The following CCDC138 variants were observed in gnomAD, a reference collection of about 807,000 sequenced individuals.
The protein encoded by CCDC138 is coiled-coil domain containing 138.
A neutral mutation model predicts 82.3 loss-of-function variants in CCDC138; 66 were observed. That is an observed-to-expected ratio of 0.80 (90% CI 0.66 to 0.98). The LOEUF (loss-of-function observed/expected upper bound fraction) is 0.98. Ranked by LOEUF, CCDC138 falls within the 50% of genes least tolerant of loss-of-function variation. CCDC138 has a pLI of 0.00. For synonymous variants in CCDC138, 297 were observed against 265.4 expected (o/e 1.12, Z -1.16); for missense variants, 816 against 758.9 (o/e 1.08, Z -0.88).
chr2:108,824,156 A>G (rs1033162353), intron 10 of CCDC138, among the ~76,000 whole-genome samples: 2 of 61,564 alleles, frequency 3.2e-5, no homozygotes, highest in African/African-American at 9.2e-5. Flanking sequence ...ACTACACTAA[A>G]TTTAGAAAAA....
Position 108,855,800 on chromosome 2 carries a change from C to T in CCDC138, c.1517-994C>T, listed in dbSNP as rs923454283. Among the ~76,000 whole-genome samples, 85 of 152,022 alleles carry T rather than the reference C, an allele frequency of 5.6e-4. 8 individuals are homozygous for T. Among genetic ancestry groups the T allele is most frequent in the African/African-American group, 2.4e-5 (1 of 41,384 alleles). ...TTACTTATTATGTAAGCTGAAACAG[C>T]AAAGAAGAAATGCAACATGAAGCTA... On this transcript the variant is annotated intron_variant, in intron 12 of 14. Transcript: ENST00000295124.
At chr2:108,880,457 G>A (rs143785843), downstream of CCDC138, among the ~76,000 whole-genome samples, 50 of 152,274 alleles carry the variant, frequency 3.3e-4, no homozygotes, top group African/African-American at 1.2e-3. Context: ...GCATCCAGAA[G>A]GCTAAACTTC....
intron 13 of CCDC138, among the ~76,000 whole-genome samples, chr2:108,862,196 A>G (rs1235132931): frequency 6.9e-6 from 1 of 145,720 alleles, no homozygotes; most frequent in Non-Finnish European, 1.5e-5. Flanking sequence ...CATGCCACTT[A>G]AAAAAAAAAC....
intron 10 of CCDC138, among the ~76,000 whole-genome samples, chr2:108,820,947 C>G (rs1685594230): frequency 6.6e-6 from 1 of 152,010 alleles, no homozygotes; most frequent in Admixed American, 6.6e-5. Flanking sequence ...TAGTAAGTAG[C>G]CTATATTATT....
At chr2:108,790,677 G>C (rs1272155971) in intron 3 of CCDC138, among the ~76,000 whole-genome samples, 1 of 152,156 alleles carries the variant, frequency 6.6e-6, no homozygotes, top group Non-Finnish European at 1.5e-5. Context: ...CTGCAACCTG[G>C]GTGACAGAGT....
chr2:108,794,278 A>G (rs1388826966), intron 4 of CCDC138, among the ~76,000 whole-genome samples: 1 of 152,128 alleles, frequency 6.6e-6, no homozygotes, highest in Non-Finnish European at 1.5e-5. Flanking sequence ...GTGTCTTTTT[A>G]TATCCTTTAA....
At chr2:108,788,346 G>C (rs1296310445) in intron 2 of CCDC138, among the ~76,000 whole-genome samples, 1 of 151,842 alleles carries the variant, frequency 6.6e-6, no homozygotes, top group Non-Finnish European at 1.5e-5. Flanking sequence ...GTTGAACCCG[G>C]GAGGCAGAGG....
chr2:108,788,342 C>A (rs1054549414), intron 2 of CCDC138, among the ~76,000 whole-genome samples: 1 of 151,862 alleles, frequency 6.6e-6, no homozygotes, highest in East Asian at 1.9e-4. Context: ...ATCGGTTGAA[C>A]CCGGGAGGCA....
At chr2:108,832,402 C>CA (rs1430970341) in intron 10 of CCDC138, among the ~76,000 whole-genome samples, 10 of 143,678 alleles carry the variant, frequency 7.0e-5, no homozygotes, top group African/African-American at 2.6e-4. Context: ...GGCTGGAGTG[C>CA]AATGGTGTGA....
intron 10 of CCDC138, among the ~76,000 whole-genome samples, chr2:108,828,143 C>T (rs1686951229): frequency 6.6e-6 from 1 of 151,930 alleles, no homozygotes; most frequent in South Asian, 2.1e-4. Flanking sequence ...TGGTTCTATA[C>T]CATACTTCTT....
chr2:108,789,281 T>TA (rs111893217), intron 3 of CCDC138, among the ~76,000 whole-genome samples: 6 of 152,316 alleles, frequency 3.9e-5, no homozygotes, highest in South Asian at 2.1e-4. Context: ...TCCCTTTCTT[T>TA]AAAAATTTTT....
chr2:108,810,387 G>A (rs940107883), intron 7 of CCDC138, among the ~76,000 whole-genome samples: 3 of 152,112 alleles, frequency 2.0e-5, no homozygotes, highest in African/African-American at 7.2e-5. Context: ...TACTTTTTCT[G>A]TGTCTATTGA....
intron 11 of CCDC138, 29 bp from the exon 12 acceptor site, chr2:108,846,709 T>C: frequency 6.4e-7 from 1 of 1,561,910 alleles, no homozygotes; most frequent in African/African-American, 1.4e-5. Context: ...CATGAATAAA[T>C]ATACTAAGAT....
chr2:108,804,690 T>A (rs1682537248), intron 6 of CCDC138, among the ~76,000 whole-genome samples, 199 bp from the exon 7 acceptor site: 1 of 152,208 alleles, frequency 6.6e-6, no homozygotes, highest in Non-Finnish European at 1.5e-5. Flanking sequence ...TGTAAATGCC[T>A]TTGATGTTTT....
At chr2:108,818,620 G>A (rs949849265) in intron 10 of CCDC138, among the ~76,000 whole-genome samples, 6 of 152,186 alleles carry the variant, frequency 3.9e-5, no homozygotes, top group South Asian at 2.1e-4. Flanking sequence ...TGTGGCCATC[G>A]CAAGCAGGTA....
chr2:108,844,019 A>G (rs1574184377), intron 11 of CCDC138, among the ~76,000 whole-genome samples: 1 of 140,498 alleles, frequency 7.1e-6, no homozygotes, highest in Non-Finnish European at 1.5e-5. Context: ...GTACTACCTT[A>G]CCTGGTTAAT....
At chr2:108,864,711 T>A (rs1342576191) in intron 13 of CCDC138, among the ~76,000 whole-genome samples, 1 of 151,734 alleles carries the variant, frequency 6.6e-6, no homozygotes, top group Non-Finnish European at 1.5e-5. Context: ...GGAGAATCAC[T>A]TGCACCCAGG....
At chr2:108,807,463 C>G (rs1683056788) in intron 7 of CCDC138, among the ~76,000 whole-genome samples, 1 of 152,100 alleles carries the variant, frequency 6.6e-6, no homozygotes, top group South Asian at 2.1e-4. Flanking sequence ...CAGTAATTAG[C>G]TAATCCATCA....
At chr2:108,811,935 G>T (rs1683930525) in intron 7 of CCDC138, among the ~76,000 whole-genome samples, 1 of 152,032 alleles carries the variant, frequency 6.6e-6, no homozygotes, top group Non-Finnish European at 1.5e-5. Flanking sequence ...CCATGTTGCT[G>T]CAGAAGACAT....
Sources: gnomAD v4.1 joint callset for allele counts (sites outside exome capture counted in the v4.1 genomes callset) on GRCh38, gnomAD v4.1.1 for gene constraint, MANE v1.5 for transcripts, NCBI Gene and HGNC (gene_info 2026-07-23, HGNC 2026-07-21) for gene names.